The following ANP32E variants were observed in gnomAD, a reference collection of about 807,000 sequenced individuals.
The protein encoded by ANP32E is acidic nuclear phosphoprotein 32 family member E, also known as acidic leucine-rich nuclear phosphoprotein 32 family member E.
In ANP32E, 14 loss-of-function variants were observed where a neutral mutation model predicts 35.3. The ratio of observed to expected loss-of-function variants is 0.40; its 90% CI spans 0.26 to 0.62. ANP32E has a LOEUF of 0.62. Among genes scored for constraint, ANP32E ranks in the 20% least tolerant of loss-of-function variants. The pLI is 0.45. For synonymous variants in ANP32E, 89 were observed against 110.4 expected, an observed-to-expected ratio of 0.81 and a Z score of 1.22; for missense variants, 198 against 304.4, an observed-to-expected ratio of 0.65 and a Z score of 2.60.
rs1648115706 is a variant in ANP32E at position 150,218,739 on chromosome 1, A to G, written c.*1952T>C. 2 of 152,636 alleles carry G rather than the reference A, an allele frequency of 1.3e-5. No individual in the cohort carries two copies. The highest frequency in any genetic ancestry group is 2.9e-5 in the Non-Finnish European group (2 of 68,026). 9.5% of individuals were successfully genotyped at this position (152,636 alleles called of 1,614,324 possible). A position where few individuals can be genotyped will look rare whatever the true frequency, so the allele number is the denominator to read the frequency against. On this transcript the variant is annotated 3_prime_UTR_variant, in exon 7 of 7. Transcript: ENST00000583931. Reference sequence around the variant, plus strand: ...CACCCTTACTTATTTGCATGAAAATACCACCCACAAAGCTAAATAAGTCTT... The same window carrying G: ...CACCCTTACTTATTTGCATGAAAATGCCACCCACAAAGCTAAATAAGTCTT...
In ANP32E at chr1:150,235,874, G is replaced by T; in HGVS notation, c.-88C>A. The T allele has an allele frequency of 1.1e-6, 1 of 920,926 alleles. No individual in the cohort carries two copies. Among genetic ancestry groups the T allele is most frequent in the Non-Finnish European group, 1.7e-6 (1 of 583,692 alleles). The allele number at this position is 920,926 out of a possible 1,614,324, so 57.0% of individuals were successfully genotyped here. ...CAACCCAAAATTTTTAAGAGATTTA[G>T]AAATGAATGAAAAGGAACGCAAATA... On this transcript the variant is annotated 5_prime_UTR_variant, in exon 1 of 7. Transcript: ENST00000583931. The surrounding 1 kb of genome is among the most constrained non-coding windows in gnomAD (Gnocchi z 4.2).
rs781986101 is a variant in ANP32E, at chr1:150,230,718, C to T, written c.205-25G>A. 6 of 1,565,976 alleles carry T rather than the reference C, an allele frequency of 3.8e-6. No individual in the cohort carries two copies. In the South Asian group the frequency reaches 7.0e-5, roughly 18 times the overall value. On this transcript the variant is annotated intron_variant, in intron 2 of 6. Coordinates refer to ENST00000583931, the MANE Select transcript of ANP32E (RefSeq NM_030920.5). Reference sequence around the variant, plus strand: ...ACTATACATTCAACAAAGGAAAAAACAAAGAATGGTAAAGGTATCATATCA... The same window carrying T: ...ACTATACATTCAACAAAGGAAAAAATAAAGAATGGTAAAGGTATCATATCA...
At chr1:150,223,374 G>A in intron 5 of ANP32E, 134 bp from the exon 6 acceptor site, 1 of 1,258,566 alleles carries the variant, frequency 7.9e-7, no homozygotes, top group South Asian at 1.4e-5. Context: ...TTCTTATAAA[G>A]GTCCTTTTTA....
In ANP32E at chr1:150,235,628, GGC is replaced by G; in HGVS notation, c.54+103_54+104del. ...CCCAACCCTAACCCGGGGGGATGGGGGCTAACTTATTACTCCATCCCCGCACA... is the reference window on the plus strand; with the variant it reads ...CCCAACCCTAACCCGGGGGGATGGGGTAACTTATTACTCCATCCCCGCACA... On this transcript the variant is annotated intron_variant, in intron 1 of 6. Coordinates refer to ENST00000583931, the MANE Select transcript of ANP32E (RefSeq NM_030920.5). This position sits in a 1 kb window ranked among gnomAD's most constrained non-coding sequence, Gnocchi z 4.2. The G allele has an allele frequency of 7.9e-7, 1 of 1,270,980 alleles. No individual in the cohort carries two copies. Among genetic ancestry groups the G allele is most frequent in the Non-Finnish European group, 1.1e-6 (1 of 894,790 alleles). The allele number at this position is 1,270,980 out of a possible 1,614,324, so 78.7% of individuals were successfully genotyped here.
intron 2 of ANP32E, 42 bp downstream of exon 2, chr1:150,231,735 G>A (rs1553841765): frequency 1.3e-6 from 2 of 1,564,378 alleles, no homozygotes. Context: ...ACATATAGCC[G>A]TGGCATTGAA....
chr1:150,223,223 A>G lies in ANP32E; in HGVS notation c.699T>C (p.Asp233=), dbSNP rs1572009875. ...CTTCTTCCCCTTCTTCAACATAGTCATCATCATCTTCTTCATCCTTGAAAT... is the reference window on the plus strand; with the variant it reads ...CTTCTTCCCCTTCTTCAACATAGTCGTCATCATCTTCTTCATCCTTGAAAT... The part of the protein sequence containing the change: ...KEEIQDEEDD[D]DYVEEGEEEE... Residue 233 remains aspartate (D), a synonymous_variant, in exon 6 of 7, where the codon GAT becomes GAC. Coordinates refer to ENST00000583931, the MANE Select transcript of ANP32E (RefSeq NM_030920.5). 6.6e-7 allele frequency: 1 copy of G among 1,526,360 alleles called. No homozygotes were observed. The highest frequency in any genetic ancestry group is 8.9e-7 in the Non-Finnish European group (1 of 1,123,866). 94.6% of individuals were successfully genotyped at this position (1,526,360 alleles called of 1,614,324 possible).
intron 1 of ANP32E, among the ~76,000 whole-genome samples, chr1:150,233,362 T>G (rs782555946): frequency 1.3e-4 from 19 of 150,984 alleles, no homozygotes; most frequent in Non-Finnish European, 2.7e-4. Context: ...AAAACCATCA[T>G]AACTCAAAAA....
In ANP32E at chr1:150,235,640, A is replaced by T. The variant is rs776755986; in HGVS notation, c.54+93T>A. 7.0e-7 allele frequency: 1 copy of T among 1,424,402 alleles called. No homozygotes were observed. Among genetic ancestry groups the T allele is most frequent in the Non-Finnish European group, 9.8e-7 (1 of 1,025,262 alleles). The allele number at this position is 1,424,402 out of a possible 1,614,324, so 88.2% of individuals were successfully genotyped here. On this transcript the variant is annotated intron_variant, in intron 1 of 6. Transcript: ENST00000583931. This position sits in a 1 kb window ranked among gnomAD's most constrained non-coding sequence, Gnocchi z 4.2. ...CCGGGGGGATGGGGGCTAACTTATT[A>T]CTCCATCCCCGCACACCCACCCAGG...
Position 150,220,747 on chromosome 1 carries a change from G to A in ANP32E, c.751C>T (p.Arg251Ter), listed in dbSNP as rs1220619437. Reference protein sequence around the residue: ...EEEEEEEGGLRGEKRKRDAED... With the variant: ...EEEEEEEGGL ...GCATCTCGTTTCCTCTTCTCCCCTC[G>A]AAGACCTCCTTCTTCTTAAAGAGTG... The change falls in exon 7 of 7, where the codon CGA (arginine) becomes TGA (stop). Residue 251 changes from arginine (R) to a stop codon, truncating the protein, a stop_gained. Coordinates refer to ENST00000583931, the MANE Select transcript of ANP32E (RefSeq NM_030920.5). LOFTEE classifies it high-confidence loss of function. 2.5e-6 allele frequency: 4 copies of A among 1,613,664 alleles called. No homozygotes were observed. Among genetic ancestry groups the A allele is most frequent in the Non-Finnish European group, 3.4e-6 (4 of 1,179,794 alleles).
rs988693151 is a variant in ANP32E, at chr1:150,225,601, G to A, written c.681+1007C>T. ...TGAGAGGATTGCTTGAGCCTGGGAG[G>A]CAGAGGTTGCAGTGAGTCAAGATCG... On this transcript the variant is annotated intron_variant, in intron 5 of 6. Transcript: ENST00000583931. Among the ~76,000 whole-genome samples, 3 of 140,716 alleles carry A rather than the reference G, an allele frequency of 2.1e-5. No individual in the cohort carries two copies. The Admixed American group carries it at 2.3e-4, about 11-fold the overall frequency. The allele number at this position is 140,716 out of a possible 152,430, so 92.3% of individuals were successfully genotyped here.
At chr1:150,229,958 T>C (rs6587752) in intron 3 of ANP32E, among the ~76,000 whole-genome samples, 1 of 152,214 alleles carries the variant, frequency 6.6e-6, no homozygotes, top group African/African-American at 2.4e-5. Context: ...ATATTTGAAA[T>C]TGAGAATGAT....
At position 150,223,211 on chromosome 1, in the gene ANP32E, T is replaced by G; in HGVS notation, c.711A>C (p.Glu237Asp). The G allele has an allele frequency of 6.6e-7, 1 of 1,526,398 alleles. No homozygotes were observed. 94.6% of individuals were successfully genotyped at this position (1,526,398 alleles called of 1,614,324 possible). A position where few individuals can be genotyped will look rare whatever the true frequency, so the allele number is the denominator to read the frequency against. The change falls in exon 6 of 7, where the codon GAA becomes GAC. Residue 237 changes from glutamate (E) to aspartate (D), a missense_variant. Physicochemically the swap from Glu to Asp is conservative, Grantham distance 45 (BLOSUM62 2). This residue lies in a region of ANP32E where 121 missense variants were observed against 137.3 expected (regional missense o/e 0.88). Coordinates refer to ENST00000583931, the MANE Select transcript of ANP32E (RefSeq NM_030920.5). ...QDEEDDDDYV[E>D]EGEEEEEEEE... ...CCTCTTCTTCCTCTTCTTCCCCTTC[T>G]TCAACATAGTCATCATCATCTTCTT...
At position 150,223,229 on chromosome 1, in the gene ANP32E, A is replaced by C; in HGVS notation, c.693T>G (p.Asp231Glu). 1 of 1,526,584 alleles carries C rather than the reference A, an allele frequency of 6.6e-7. No individual in the cohort carries two copies. Among genetic ancestry groups the C allele is most frequent in the Non-Finnish European group, 8.9e-7 (1 of 1,124,284 alleles). 94.6% of individuals were successfully genotyped at this position (1,526,584 alleles called of 1,614,324 possible). A position where few individuals can be genotyped will look rare whatever the true frequency, so the allele number is the denominator to read the frequency against. ...CCCCTTCTTCAACATAGTCATCATC[A>C]TCTTCTTCATCCTTGAAATTCAAAT... ...LMKEEIQDEE[D>E]DDDYVEEGEE... Residue 231 changes from aspartate (D) to glutamate (E), a missense_variant, in exon 6 of 7, where the codon GAT becomes GAG. Coordinates refer to ENST00000583931, the MANE Select transcript of ANP32E (RefSeq NM_030920.5).
In ANP32E at chr1:150,230,588, T is replaced by C. The variant is rs1553841435; in HGVS notation, c.310A>G (p.Ser104Gly). Reference sequence around the variant, plus strand: ...CCACTTACCAGAGCTTCTACTGTACTGAGATCTTTTATTTTGTTTCCACTC... The same window carrying C: ...CCACTTACCAGAGCTTCTACTGTACCGAGATCTTTTATTTTGTTTCCACTC... The part of the protein sequence containing the change: ...NLSGNKIKDL[S>G]TVEALQNLKN... The change falls in exon 3 of 7, where the codon AGT becomes GGT. Residue 104 changes from serine (S) to glycine (G), a missense_variant. Physicochemically the swap from Ser to Gly is moderately conservative, Grantham distance 56. This residue lies in a region of ANP32E where 31 missense variants were observed against 62.6 expected (regional missense o/e 0.50). Coordinates refer to ENST00000583931, the MANE Select transcript of ANP32E (RefSeq NM_030920.5). 1 of 1,613,562 alleles carries C rather than the reference T, an allele frequency of 6.2e-7. No homozygotes were observed. The highest frequency in any genetic ancestry group is 1.3e-5 in the African/African-American group (1 of 75,028).
intron 6 of ANP32E, among the ~76,000 whole-genome samples, chr1:150,221,113 T>G (rs1450622461): frequency 5.5e-4 from 1 of 1,822 alleles, no homozygotes; most frequent in Admixed American, 6.4e-3. Flanking sequence ...AAACTTTGTC[T>G]CCAAAAAAAA....
At chr1:150,226,515 C>G in intron 5 of ANP32E, 93 bp downstream of exon 5, 1 of 1,474,324 alleles carries the variant, frequency 6.8e-7, no homozygotes, top group Non-Finnish European at 9.1e-7. Context: ...AACTTAGAAA[C>G]AACTCTCAGA....
At chr1:150,224,381 TG>T (rs1648702527) in intron 5 of ANP32E, among the ~76,000 whole-genome samples, 1 of 152,070 alleles carries the variant, frequency 6.6e-6, no homozygotes, top group Non-Finnish European at 1.5e-5. Context: ...AAGACCAGCC[TG>T]GCCAACACAG....
At chr1:150,222,292 G>A (rs1404368882) in intron 6 of ANP32E, among the ~76,000 whole-genome samples, 5 of 151,330 alleles carry the variant, frequency 3.3e-5, no homozygotes, top group African/African-American at 7.2e-5. Flanking sequence ...TGGTGGCGGC[G>A]CCTATAGTCC....
chr1:150,218,543 A>T lies in ANP32E; in HGVS notation c.*2148T>A, dbSNP rs900972097. The stretch of plus-strand genomic sequence containing the variant: ...AAAAGAATAATCAGGAGTACTGCAA[A>T]TTTTTTTGTTTGTTTTTAACACTGT... On this transcript the variant is annotated 3_prime_UTR_variant, in exon 7 of 7. Coordinates refer to ENST00000583931, the MANE Select transcript of ANP32E (RefSeq NM_030920.5). 5 of 152,616 alleles carry T rather than the reference A, an allele frequency of 3.3e-5. No homozygotes were observed. Among genetic ancestry groups the T allele is most frequent in the African/African-American group, 1.2e-4 (5 of 41,452 alleles). 9.5% of individuals were successfully genotyped at this position (152,616 alleles called of 1,614,324 possible).
Sources: gnomAD v4.1 joint callset for allele counts (sites outside exome capture counted in the v4.1 genomes callset) on GRCh38, gnomAD v4.1.1 for gene constraint, gnomAD v4.1.1 regional missense constraint, Gnocchi (gnomAD v3.1) non-coding constraint, MANE v1.5 for transcripts, NCBI Gene and HGNC (gene_info 2026-07-23, HGNC 2026-07-21) for gene names.